GRAMD2B: variants seen among roughly 807,000 people sequenced by gnomAD.
GRAMD2B encodes the protein GRAM domain containing 2B.
In GRAMD2B, 41 loss-of-function variants were observed where a neutral mutation model predicts 59.2. The ratio of observed to expected loss-of-function variants is 0.69; its 90% CI spans 0.54 to 0.90. GRAMD2B has a LOEUF of 0.90. GRAMD2B is among the 40% of genes least tolerant of loss of function. The pLI is 0.00. For missense variants in GRAMD2B, 424 were observed against 500.5 expected, an observed-to-expected ratio of 0.85 and a Z score of 1.46; for synonymous variants, 161 against 182.7, an observed-to-expected ratio of 0.88 and a Z score of 0.96.
chr5:126,488,218 C>T (rs999109369), intron 12 of GRAMD2B, among the ~76,000 whole-genome samples: 1 of 152,142 alleles, frequency 6.6e-6, no homozygotes, highest in African/African-American at 2.4e-5. Flanking sequence ...TAGTTTCTCC[C>T]ATCTTGTTCA....
At chr5:126,390,044 A>G (rs898277107) in intron 1 of GRAMD2B, among the ~76,000 whole-genome samples, 2 of 152,234 alleles carry the variant, frequency 1.3e-5, no homozygotes, top group African/African-American at 4.8e-5. Flanking sequence ...AAATAGTAAA[A>G]TTTTAGGTTG....
chr5:126,363,317 A>G (rs78093104), intron 1 of GRAMD2B, among the ~76,000 whole-genome samples: 1 of 152,166 alleles, frequency 6.6e-6, no homozygotes, highest in Non-Finnish European at 1.5e-5. Flanking sequence ...CAAAAAAAAA[A>G]GAAGTGTTGG....
In GRAMD2B at chr5:126,392,149, T is replaced by G. The variant is rs574338530; in HGVS notation, c.125+20582T>G. Among the ~76,000 whole-genome samples the G allele has an allele frequency of 1.4e-4, 21 of 152,292 alleles. No individual in the cohort carries two copies. In the South Asian group the frequency reaches 4.3e-3, roughly 32 times the overall value. ...CCCTTTTCTCTTTTCACTAAAATTG[T>G]GTAACGCTACAAAAGGGATGTATCA... On this transcript the variant is annotated intron_variant, in intron 1 of 8. Transcript: ENST00000506445.
At chr5:126,409,346 CTTG>C (rs1330590797) in intron 1 of GRAMD2B, among the ~76,000 whole-genome samples, 1 of 152,146 alleles carries the variant, frequency 6.6e-6, no homozygotes, top group East Asian at 1.9e-4. Flanking sequence ...CTCTCCAGCA[CTTG>C]TTGTTTCCTG....
chr5:126,431,909 T>C (rs768228423), intron 1 of GRAMD2B, among the ~76,000 whole-genome samples: 8 of 152,206 alleles, frequency 5.3e-5, no homozygotes, highest in Non-Finnish European at 8.8e-5. Flanking sequence ...ATGGCTCTTC[T>C]TCCCTAATGG....
intron 5 of GRAMD2B, among the ~76,000 whole-genome samples, chr5:126,474,464 T>C (rs1325666457): frequency 6.6e-6 from 1 of 152,246 alleles, no homozygotes; most frequent in Non-Finnish European, 1.5e-5. Context: ...TAAGCATTAT[T>C]TGATCGACAG....
chr5:126,463,807 T>A (rs1026581089), intron 1 of GRAMD2B, among the ~76,000 whole-genome samples: 5 of 152,080 alleles, frequency 3.3e-5, no homozygotes, highest in African/African-American at 1.2e-4. Context: ...TCACCTGAGG[T>A]CAGGAGTTCG....
chr5:126,409,845 C>G (rs1225373150), intron 1 of GRAMD2B, among the ~76,000 whole-genome samples: 1 of 151,478 alleles, frequency 6.6e-6, no homozygotes, highest in South Asian at 2.1e-4. Context: ...GTCTTTAATC[C>G]ATCTTGAATT....
At position 126,486,959 on chromosome 5, in the gene GRAMD2B, T is replaced by G. The variant is rs1345719737; in HGVS notation, c.1145T>G (p.Val382Gly). The G allele has an allele frequency of 1.3e-6, 2 of 1,594,358 alleles. No individual in the cohort carries two copies. Among genetic ancestry groups the G allele is most frequent in the Admixed American group, 1.7e-5 (1 of 59,900 alleles). ...EEQLGLLTSI[V>G]DTHNTEQAAP... ...CAGCTGGGGTTACTAACCTCCATTG[T>G]GGACACCCATAATACTGAGTAAGAC... The change falls in exon 12 of 14, where the codon GTG becomes GGG. Residue 382 changes from valine (V) to glycine (G), a missense_variant. By Grantham distance (109) the Val-to-Gly change is moderately radical (BLOSUM62 -3). Transcript: ENST00000285689.
intron 1 of GRAMD2B, among the ~76,000 whole-genome samples, chr5:126,432,158 G>A (rs1161555645): frequency 6.6e-6 from 1 of 152,088 alleles, no homozygotes; most frequent in African/African-American, 2.4e-5. Flanking sequence ...TGAACTCCTG[G>A]CTTCAAGAGA....
intron 1 of GRAMD2B, among the ~76,000 whole-genome samples, chr5:126,428,136 G>A (rs1045839987): frequency 6.6e-6 from 1 of 152,088 alleles, no homozygotes; most frequent in Non-Finnish European, 1.5e-5. Flanking sequence ...GGGAGGCTGA[G>A]GTGAGAGACC....
In GRAMD2B at chr5:126,409,706, G is replaced by T. The variant is rs553332674; in HGVS notation, c.125+38139G>T. ...TCTTTGGTTTAACTAGATCCCATTT[G>T]TCAATTTTGGCTTTTGTTGCCATTG... On this transcript the variant is annotated intron_variant, in intron 1 of 8. Transcript: ENST00000506445. Among the ~76,000 whole-genome samples, 6 of 152,216 alleles carry T rather than the reference G, an allele frequency of 3.9e-5. No homozygotes were observed. The South Asian group carries it at 1.0e-3, about 26-fold the overall frequency.
At chr5:126,453,271 G>A (rs1426568153) in intron 1 of GRAMD2B, among the ~76,000 whole-genome samples, 1 of 151,564 alleles carries the variant, frequency 6.6e-6, no homozygotes, top group African/African-American at 2.4e-5. Flanking sequence ...GGAGGTGGAG[G>A]TTGCAATGAG....
chr5:126,434,826 C>A (rs1321534863), intron 1 of GRAMD2B, among the ~76,000 whole-genome samples: 1 of 152,142 alleles, frequency 6.6e-6, no homozygotes, highest in Non-Finnish European at 1.5e-5. Flanking sequence ...CGATAATTAT[C>A]AATTTTTAGC....
chr5:126,460,066 C>T (rs1201607954), intron 1 of GRAMD2B, among the ~76,000 whole-genome samples: 1 of 152,090 alleles, frequency 6.6e-6, no homozygotes, highest in Admixed American at 6.6e-5. Flanking sequence ...TACGATGTAA[C>T]TTTATGCAGT....
chr5:126,416,103 T>C (rs1759245305), intron 1 of GRAMD2B, among the ~76,000 whole-genome samples: 1 of 152,194 alleles, frequency 6.6e-6, no homozygotes, highest in Non-Finnish European at 1.5e-5. Context: ...TATGAATGTT[T>C]CTCTGAGAAA....
At position 126,465,791 on chromosome 5, in the gene GRAMD2B, G is replaced by A. The variant is rs562846647; in HGVS notation, c.203+246G>A. 3.3e-5 allele frequency among the ~76,000 whole-genome samples: 5 copies of A among 152,326 alleles called. No homozygotes were observed. The South Asian group carries it at 1.0e-3, about 32-fold the overall frequency. ...GATTTTGCTAAGTGATGAGGCCAGG[G>A]TGGACCCCTCTCTGGCATATGTTTA... On this transcript the variant is annotated intron_variant, in intron 2 of 13. Transcript: ENST00000285689.
chr5:126,469,556 G>T, intron 2 of GRAMD2B, 121 bp from the exon 3 acceptor site: 1 of 686,978 alleles, frequency 1.5e-6, no homozygotes, highest in South Asian at 1.8e-5. Flanking sequence ...GATCGCTTGA[G>T]TCCTGGACGG....
At chr5:126,410,608 C>T (rs1001810265) in intron 1 of GRAMD2B, among the ~76,000 whole-genome samples, 1 of 152,068 alleles carries the variant, frequency 6.6e-6, no homozygotes, top group African/African-American at 2.4e-5. Context: ...ATGGGGTTTT[C>T]TAGATATACA....
Sources: allele counts gnomAD v4.1 joint callset (sites outside exome capture counted in the v4.1 genomes callset), GRCh38; gene constraint gnomAD v4.1.1; transcripts MANE v1.5; gene names NCBI Gene and HGNC (gene_info 2026-07-23, HGNC 2026-07-21).